PLXNA4: variants seen among roughly 807,000 people sequenced by gnomAD.
The protein encoded by PLXNA4 is plexin A4, also known as plexin-A4.
Under a neutral mutation model 191.8 loss-of-function variants are expected in PLXNA4, and 44 were observed. The observed-to-expected ratio is 0.23, with a 90% CI of 0.18 to 0.29. The LOEUF is 0.29. Ranked by LOEUF, PLXNA4 falls within the 10% of genes least tolerant of loss-of-function variation. The pLI is 1.00. For missense variants in PLXNA4, 1,800 were observed against 2,488.8 expected, an observed-to-expected ratio of 0.72 and a Z score of 5.89; for synonymous variants, 1,082 against 1,009.5, an observed-to-expected ratio of 1.07 and a Z score of -1.36.
intron 1 of PLXNA4, among the ~76,000 whole-genome samples, chr7:132,560,930 G>C (rs1472026962): frequency 6.6e-6 from 1 of 152,062 alleles, no homozygotes; most frequent in African/African-American, 2.4e-5. Context: ...AGGATGCTTT[G>C]ATTTACTGCA....
intron 28 of PLXNA4, 115 bp from the exon 29 acceptor site, chr7:132,145,403 T>C (rs2116563310): frequency 7.3e-7 from 1 of 1,376,800 alleles, no homozygotes; most frequent in East Asian, 2.5e-5. Flanking sequence ...CCACCCTACT[T>C]GGGTAAAATT....
At position 132,521,280 on chromosome 7, in the gene PLXNA4, T is replaced by C. The variant is rs1799173512; in HGVS notation, c.-86-12501A>G. Among the ~76,000 whole-genome samples, 6 of 151,886 alleles carry C rather than the reference T, an allele frequency of 4.0e-5. No individual in the cohort carries two copies. In the South Asian group the frequency reaches 1.3e-3, roughly 32 times the overall value. On this transcript the variant is annotated intron_variant, in intron 1 of 31. Transcript: ENST00000321063. ...TGTAAGGGGGTAGCAGAATAGAGGATTTTAGGACATAAAGTTTGGAAATAA... is the reference window on the plus strand; with the variant it reads ...TGTAAGGGGGTAGCAGAATAGAGGACTTTAGGACATAAAGTTTGGAAATAA...
chr7:132,531,222 T>C (rs960722065), intron 1 of PLXNA4, among the ~76,000 whole-genome samples: 2 of 152,106 alleles, frequency 1.3e-5, no homozygotes, highest in African/African-American at 4.8e-5. Flanking sequence ...AAATGGAAAA[T>C]TTTATGTTTT....
chr7:132,488,194 G>A (rs999270917), intron 3 of PLXNA4, among the ~76,000 whole-genome samples: 4 of 152,160 alleles, frequency 2.6e-5, no homozygotes, highest in Admixed American at 2.6e-4. Flanking sequence ...CCCGCCTCTT[G>A]TCCTCCACAT....
At chr7:132,543,129 G>A (rs1800153055) in intron 1 of PLXNA4, among the ~76,000 whole-genome samples, 1 of 152,156 alleles carries the variant, frequency 6.6e-6, no homozygotes. Flanking sequence ...TCTTCCTCCA[G>A]ATAGTATTGT....
chr7:132,132,496 TTTTCTATTCTATTCTATTCTATTCTA>T lies in PLXNA4; in HGVS notation c.5589+527_5589+552del, dbSNP rs1292347260. Among the ~76,000 whole-genome samples, 138 of 31,760 alleles carry T rather than the reference TTTTCTATTCTATTCTATTCTATTCTA, an allele frequency of 4.3e-3. 1 individual carries two copies. Among genetic ancestry groups the T allele is most frequent in the Middle Eastern group, 0.029 (2 of 70 alleles). The allele number at this position is 31,760 out of a possible 152,430, so 20.8% of individuals were successfully genotyped here. On this transcript the variant is annotated intron_variant, in intron 31 of 31. Coordinates refer to ENST00000321063, the MANE Select transcript of PLXNA4 (RefSeq NM_020911.2). ...TGCTCTGCTCTGCTCTGCTCTATTC[TTTTCTATTCTATTCTATTCTATTCTA>T]TTCTATTCTATTCTATTCTATTCTA...
rs1801204683 is a variant in PLXNA4, at chr7:132,562,245, C to G, written c.-87+14177G>C. 2.4e-5 allele frequency among the ~76,000 whole-genome samples: 3 copies of G among 127,550 alleles called. 1 individual carries two copies. Among genetic ancestry groups the G allele is most frequent in the African/African-American group, 9.6e-5 (3 of 31,156 alleles). The allele number at this position is 127,550 out of a possible 152,430, so 83.7% of individuals were successfully genotyped here. A position where few individuals can be genotyped will look rare whatever the true frequency, so the allele number is the denominator to read the frequency against. ...CTTCCTCTTTCTCCTACTCCTCCTT[C>G]TCCTCCTCCTCCTCTTCTTTCTCTG... is the stretch of plus-strand genomic sequence containing the variant. On this transcript the variant is annotated intron_variant, in intron 1 of 31. Transcript: ENST00000321063.
chr7:132,467,375 C>A (rs967741636), intron 3 of PLXNA4, among the ~76,000 whole-genome samples: 3 of 152,172 alleles, frequency 2.0e-5, no homozygotes, highest in African/African-American at 7.2e-5. Flanking sequence ...GACCGTGGGC[C>A]AGAGGTATTT....
intron 3 of PLXNA4, among the ~76,000 whole-genome samples, chr7:132,353,126 T>G (rs1315421917): frequency 6.6e-6 from 1 of 152,204 alleles, no homozygotes; most frequent in East Asian, 1.9e-4. Flanking sequence ...CAGAGCCATG[T>G]GCTTGTTTAT....
At chr7:132,323,279 G>A (rs894517142) in intron 3 of PLXNA4, among the ~76,000 whole-genome samples, 3 of 152,332 alleles carry the variant, frequency 2.0e-5, no homozygotes, top group Middle Eastern at 3.4e-3. Context: ...ACAGGAAACC[G>A]AAGGATTGAG....
chr7:132,211,378 A>G (rs1200726165), intron 9 of PLXNA4, among the ~76,000 whole-genome samples: 1 of 152,216 alleles, frequency 6.6e-6, no homozygotes, highest in Non-Finnish European at 1.5e-5. Flanking sequence ...TTTGGGTTCC[A>G]TGAAAACCTT....
At chr7:132,533,016 C>A (rs1432992420) in intron 1 of PLXNA4, among the ~76,000 whole-genome samples, 1 of 152,198 alleles carries the variant, frequency 6.6e-6, no homozygotes. Context: ...TGGTTGCCAC[C>A]ACCACAAATC....
chr7:132,437,019 TA>T (rs1795496930), intron 3 of PLXNA4, among the ~76,000 whole-genome samples: 1 of 152,194 alleles, frequency 6.6e-6, no homozygotes, highest in Admixed American at 6.5e-5. Flanking sequence ...CATCGCCATA[TA>T]CACATGCCTT....
intron 1 of PLXNA4, among the ~76,000 whole-genome samples, chr7:132,566,626 G>A (rs1801736995): frequency 6.6e-6 from 1 of 152,128 alleles, no homozygotes; most frequent in Non-Finnish European, 1.5e-5. Flanking sequence ...AAAAAAAATT[G>A]AGAAGGTGAA....
intron 4 of PLXNA4, among the ~76,000 whole-genome samples, chr7:132,245,367 T>C (rs1799014732): frequency 6.6e-6 from 1 of 152,182 alleles, no homozygotes; most frequent in Admixed American, 6.5e-5. Flanking sequence ...TCACCTTCGC[T>C]GCTTCTAGAG....
chr7:132,598,360 C>T (rs934488791), intron 2 of PLXNA4, among the ~76,000 whole-genome samples: 13 of 152,162 alleles, frequency 8.5e-5, no homozygotes, highest in South Asian at 2.1e-4. Context: ...TCGCCAGCCT[C>T]GGCCTCTCAA....
chr7:132,630,713 G>A (rs1393247945), intron 2 of PLXNA4, among the ~76,000 whole-genome samples: 3 of 151,996 alleles, frequency 2.0e-5, no homozygotes, highest in African/African-American at 7.3e-5. Context: ...GGGTTTCACT[G>A]TGTTAGCCAG....
chr7:132,202,988 C>T, intron 11 of PLXNA4, 152 bp from the exon 12 acceptor site: 2 of 840,430 alleles, frequency 2.4e-6, no homozygotes, highest in Admixed American at 6.3e-5. Flanking sequence ...CAAAAAAGAA[C>T]CTGAAAGAAA....
At chr7:132,150,668 G>A (rs1795570131) in intron 25 of PLXNA4, among the ~76,000 whole-genome samples, 1 of 152,244 alleles carries the variant, frequency 6.6e-6, no homozygotes, top group South Asian at 2.1e-4. Context: ...AGGACTAGAA[G>A]GAGAAGGTGC....
Sources: gnomAD v4.1 joint callset for allele counts (sites outside exome capture counted in the v4.1 genomes callset) on GRCh38, gnomAD v4.1.1 for gene constraint, MANE v1.5 for transcripts, NCBI Gene and HGNC (gene_info 2026-07-23, HGNC 2026-07-21) for gene names.